ATG10: variants seen among roughly 807,000 people sequenced by gnomAD.
ATG10 encodes autophagy related 10, also known as ubiquitin-like-conjugating enzyme ATG10.
A neutral mutation model predicts 32.1 loss-of-function variants in ATG10; 30 were observed. The ratio of observed to expected loss-of-function variants is 0.94; its 90% CI spans 0.70 to 1.27. The LOEUF (loss-of-function observed/expected upper bound fraction) is 1.27, where lower values mean the gene tolerates loss of function less well. Ranked by LOEUF, ATG10 falls within the 50% of genes most tolerant of loss-of-function variation. ATG10 has a pLI of 0.00. For missense variants in ATG10, 233 were observed against 262.3 expected (o/e 0.89, Z 0.77); for synonymous variants, 87 against 91.5 (o/e 0.95, Z 0.28).
intron 5 of ATG10, among the ~76,000 whole-genome samples, chr5:82,205,872 G>C (rs1455192457): frequency 1.3e-5 from 2 of 152,294 alleles, no homozygotes; most frequent in East Asian, 3.9e-4. Context: ...GGTTAAGATG[G>C]AAAGACAGTA....
intron 5 of ATG10, among the ~76,000 whole-genome samples, chr5:82,229,703 C>T (rs575339048): frequency 3.2e-4 from 49 of 152,204 alleles, no homozygotes; most frequent in Admixed American, 2.8e-3. Flanking sequence ...ATTTGAATGG[C>T]CCGTGAAGAC....
intron 5 of ATG10, among the ~76,000 whole-genome samples, chr5:82,209,119 G>A (rs1745403326): frequency 6.6e-6 from 1 of 152,050 alleles, no homozygotes; most frequent in Non-Finnish European, 1.5e-5. Context: ...AATCAGTGAA[G>A]CCATCTGGGT....
At chr5:82,175,016 C>T (rs1335482561) in intron 4 of ATG10, among the ~76,000 whole-genome samples, 1 of 152,060 alleles carries the variant, frequency 6.6e-6, no homozygotes, top group African/African-American at 2.4e-5. Context: ...TCATGGAGGT[C>T]ACGACTGTCT....
chr5:82,218,024 A>C (rs1309981414), intron 5 of ATG10, among the ~76,000 whole-genome samples: 1 of 148,418 alleles, frequency 6.7e-6, no homozygotes, highest in African/African-American at 2.5e-5. Flanking sequence ...TGCATAAGGA[A>C]GGTTATAACA....
chr5:82,166,532 T>C (rs1743588707), intron 4 of ATG10, among the ~76,000 whole-genome samples: 1 of 152,226 alleles, frequency 6.6e-6, no homozygotes, highest in Non-Finnish European at 1.5e-5. Flanking sequence ...AATTTATTTT[T>C]TCTTTCCACC....
chr5:81,978,981 C>T (rs544995929), intron 1 of ATG10, among the ~76,000 whole-genome samples: 33 of 152,192 alleles, frequency 2.2e-4, no homozygotes, highest in Admixed American at 3.9e-4. Context: ...CTCACTGCAA[C>T]TTTCGCCTCC....
Position 82,168,699 on chromosome 5 carries a change from A to G in ATG10, c.355+4162A>G, listed in dbSNP as rs115246508. ...AGGATGCTCATGGAGAAACAGGGCAAAAGAAATAATCAAAGAATAGTTCCT... is the reference window on the plus strand; with the variant it reads ...AGGATGCTCATGGAGAAACAGGGCAGAAGAAATAATCAAAGAATAGTTCCT... On this transcript the variant is annotated intron_variant, in intron 4 of 7. Transcript: ENST00000282185. 3.2e-3 allele frequency among the ~76,000 whole-genome samples: 486 copies of G among 152,314 alleles called. 1 individual carries two copies. Among genetic ancestry groups the G allele is most frequent in the African/African-American group, 0.01 (426 of 41,568 alleles).
intron 5 of ATG10, among the ~76,000 whole-genome samples, chr5:82,226,604 C>T (rs1746142442): frequency 6.6e-6 from 1 of 152,166 alleles, no homozygotes; most frequent in Non-Finnish European, 1.5e-5. Flanking sequence ...TAACTTGTAT[C>T]ATCCTAATAA....
chr5:82,148,787 T>G (rs1356562989), intron 3 of ATG10, among the ~76,000 whole-genome samples: 1 of 152,232 alleles, frequency 6.6e-6, no homozygotes, highest in South Asian at 2.1e-4. Flanking sequence ...TTCATTTTTC[T>G]GTAAAATGCA....
chr5:82,087,534 T>A (rs1482298558), intron 3 of ATG10, among the ~76,000 whole-genome samples: 1 of 152,162 alleles, frequency 6.6e-6, no homozygotes, highest in African/African-American at 2.4e-5. Context: ...TGTATTTCTA[T>A]ATTGTCACTT....
intron 3 of ATG10, among the ~76,000 whole-genome samples, chr5:82,076,819 G>A (rs557723951): frequency 2.8e-4 from 43 of 152,114 alleles, no homozygotes; most frequent in Non-Finnish European, 5.0e-4. Context: ...GTACTCAGTG[G>A]TCCTTTTTCC....
At chr5:82,145,652 A>G (rs991160505) in intron 3 of ATG10, among the ~76,000 whole-genome samples, 1 of 152,110 alleles carries the variant, frequency 6.6e-6, no homozygotes, top group African/African-American at 2.4e-5. Context: ...TAACAGTGTT[A>G]TAACTTTTGC....
intron 2 of ATG10, among the ~76,000 whole-genome samples, chr5:82,000,541 A>T (rs374276487): frequency 2.0e-5 from 3 of 152,256 alleles, no homozygotes; most frequent in African/African-American, 7.2e-5. Context: ...CTGTTTGTAG[A>T]TAATATGATT....
chr5:81,997,828 TAAAC>T (rs1356530828), intron 2 of ATG10, among the ~76,000 whole-genome samples: 2 of 152,040 alleles, frequency 1.3e-5, no homozygotes, highest in Non-Finnish European at 2.9e-5. Context: ...CTCAATTAGA[TAAAC>T]AAAACAAAAC....
chr5:82,196,733 A>G (rs778079767), intron 5 of ATG10, among the ~76,000 whole-genome samples: 10 of 152,178 alleles, frequency 6.6e-5, no homozygotes, highest in Non-Finnish European at 1.0e-4. Flanking sequence ...GCCAAATTCT[A>G]TTCCACTGTT....
chr5:82,124,282 C>T (rs890059710), intron 3 of ATG10, among the ~76,000 whole-genome samples: 23 of 150,426 alleles, frequency 1.5e-4, no homozygotes, highest in Middle Eastern at 3.2e-3. Flanking sequence ...GGATTACAGA[C>T]GTGAGCCACT....
chr5:81,992,980 C>T (rs897725250), intron 2 of ATG10, among the ~76,000 whole-genome samples: 1 of 152,060 alleles, frequency 6.6e-6, no homozygotes, highest in East Asian at 1.9e-4. Context: ...CAGGATAATT[C>T]TTGTTCCCCT....
intron 2 of ATG10, among the ~76,000 whole-genome samples, chr5:82,052,765 A>G (rs984926925): frequency 1.3e-5 from 2 of 152,160 alleles, no homozygotes; most frequent in African/African-American, 4.8e-5. Flanking sequence ...GCGCTTTAAA[A>G]AATAACTTAA....
At chr5:82,012,787 C>T (rs1457189679) in intron 2 of ATG10, among the ~76,000 whole-genome samples, 5 of 151,780 alleles carry the variant, frequency 3.3e-5, no homozygotes, top group Non-Finnish European at 7.4e-5. Flanking sequence ...TCTCGAGTAG[C>T]TAGAATTACA....
Sources: gnomAD v4.1 joint callset for allele counts (sites outside exome capture counted in the v4.1 genomes callset) on GRCh38, gnomAD v4.1.1 for gene constraint, MANE v1.5 for transcripts, NCBI Gene and HGNC (gene_info 2026-07-23, HGNC 2026-07-21) for gene names.